CADPS: variants seen among roughly 807,000 people sequenced by gnomAD.
CADPS encodes the protein calcium dependent secretion activator.
Under a neutral mutation model 167.3 loss-of-function variants are expected in CADPS, and 57 were observed. That is an observed-to-expected ratio of 0.34 (90% CI 0.28 to 0.42). CADPS has a LOEUF of 0.42. Among genes scored for constraint, CADPS ranks in the 20% least tolerant of loss-of-function variants. The pLI, the probability that CADPS is intolerant of heterozygous loss-of-function variation, is 1.00. For missense variants in CADPS, 1,414 were observed against 1,738.1 expected (o/e 0.81, Z 3.32); for synonymous variants, 676 against 635.3 (o/e 1.06, Z -0.96).
chr3:62,779,745 A>T, intron 1 of CADPS: 1 of 348,502 alleles, frequency 2.9e-6, no homozygotes, highest in Non-Finnish European at 5.7e-6. Context: ...TCCAAGGAAG[A>T]TGTAGGTTAC....
chr3:62,734,208 A>C (rs2152199673), intron 3 of CADPS, among the ~76,000 whole-genome samples: 1 of 152,296 alleles, frequency 6.6e-6, no homozygotes, highest in East Asian at 1.9e-4. Flanking sequence ...ACCCAACTGC[A>C]GATATAGACC....
intron 13 of CADPS, among the ~76,000 whole-genome samples, chr3:62,522,935 C>T (rs896125308): frequency 3.3e-5 from 5 of 152,224 alleles, no homozygotes; most frequent in Non-Finnish European, 5.9e-5. Flanking sequence ...TGAGTCTCTC[C>T]AGCCACAGCA....
At chr3:62,827,918 A>G (rs1213907189) in intron 1 of CADPS, among the ~76,000 whole-genome samples, 1 of 152,216 alleles carries the variant, frequency 6.6e-6, no homozygotes, top group African/African-American at 2.4e-5. Flanking sequence ...TTTGATCTTC[A>G]TCATGATCCT....
At chr3:62,771,886 G>A (rs1474278470) in intron 1 of CADPS, among the ~76,000 whole-genome samples, 1 of 152,174 alleles carries the variant, frequency 6.6e-6, no homozygotes, top group African/African-American at 2.4e-5. Flanking sequence ...CTGCAGTGAG[G>A]AGAAAACGGC....
intron 1 of CADPS, among the ~76,000 whole-genome samples, chr3:62,791,917 C>A (rs2092983355): frequency 6.6e-6 from 1 of 152,082 alleles, no homozygotes; most frequent in African/African-American, 2.4e-5. Flanking sequence ...AGCATGTACC[C>A]AATAAATTGT....
intron 28 of CADPS, among the ~76,000 whole-genome samples, chr3:62,414,652 G>C (rs568954258): frequency 6.6e-6 from 1 of 152,282 alleles, no homozygotes; most frequent in East Asian, 1.9e-4. Flanking sequence ...TGAGGCTTTG[G>C]GGTCTGGGAA....
At chr3:62,689,798 AG>A (rs2151254331) in intron 3 of CADPS, among the ~76,000 whole-genome samples, 1 of 152,170 alleles carries the variant, frequency 6.6e-6, no homozygotes, top group African/African-American at 2.4e-5. Context: ...CAAGTGGAAA[AG>A]CTTCTAGAAA....
chr3:62,541,300 G>C lies in CADPS; in HGVS notation c.1967-4719C>G, dbSNP rs1028927050. The stretch of plus-strand genomic sequence containing the variant: ...TGACAGTGAGCTATATGATTTTATA[G>C]GCTCTGCAGCTAGGGCATAATTCAA... On this transcript the variant is annotated intron_variant, in intron 11 of 29. Transcript: ENST00000383710. Among the ~76,000 whole-genome samples, 27 of 152,242 alleles carry C rather than the reference G, an allele frequency of 1.8e-4. 1 individual carries two copies. Among genetic ancestry groups the C allele is most frequent in the African/African-American group, 6.3e-4 (26 of 41,546 alleles).
intron 3 of CADPS, among the ~76,000 whole-genome samples, chr3:62,676,798 C>T (rs553188638): frequency 6.6e-6 from 1 of 152,100 alleles, no homozygotes; most frequent in Non-Finnish European, 1.5e-5. Context: ...GTCTCTACAG[C>T]CTGACATGTG....
chr3:62,497,551 C>G (rs191161013), intron 18 of CADPS, among the ~76,000 whole-genome samples: 11 of 152,306 alleles, frequency 7.2e-5, no homozygotes, highest in Admixed American at 4.6e-4. Context: ...TTCTAACCCA[C>G]TTAATTGTTT....
At chr3:62,715,279 C>A (rs1446932219) in intron 3 of CADPS, among the ~76,000 whole-genome samples, 1 of 151,988 alleles carries the variant, frequency 6.6e-6, no homozygotes. Context: ...TTAGCCAGGA[C>A]TAGAGGTGCC....
chr3:62,590,924 G>A (rs950808889), intron 7 of CADPS, among the ~76,000 whole-genome samples: 5 of 152,036 alleles, frequency 3.3e-5, no homozygotes, highest in African/African-American at 4.8e-5. Context: ...GAGCGATCTT[G>A]GCTCATTGCA....
At chr3:62,843,517 G>A (rs1038442893) in intron 1 of CADPS, among the ~76,000 whole-genome samples, 2 of 151,954 alleles carry the variant, frequency 1.3e-5, no homozygotes, top group African/African-American at 4.8e-5. Context: ...GTGTGTGTGT[G>A]TCTATGTGTG....
At chr3:62,815,300 A>T (rs1246463289) in intron 1 of CADPS, among the ~76,000 whole-genome samples, 1 of 152,112 alleles carries the variant, frequency 6.6e-6, no homozygotes, top group Non-Finnish European at 1.5e-5. Context: ...ACATAAAAAA[A>T]AAAACTCACA....
chr3:62,648,821 T>C (rs1340428115), intron 5 of CADPS, among the ~76,000 whole-genome samples: 2 of 151,490 alleles, frequency 1.3e-5, no homozygotes, highest in Non-Finnish European at 2.9e-5. Flanking sequence ...TAATTGGCAA[T>C]AATCAAATTC....
intron 21 of CADPS, among the ~76,000 whole-genome samples, chr3:62,486,296 T>A (rs894306714): frequency 6.6e-6 from 1 of 151,704 alleles, no homozygotes; most frequent in Non-Finnish European, 1.5e-5. Flanking sequence ...ACACAAAAAA[T>A]TAGCTGGGCG....
chr3:62,445,698 C>G, intron 27 of CADPS, 67 bp downstream of exon 27: 1 of 970,568 alleles, frequency 1.0e-6, no homozygotes, highest in Non-Finnish European at 1.3e-6. Flanking sequence ...CTCATGAAAA[C>G]AAAAAGTAAA....
At position 62,499,217 on chromosome 3, in the gene CADPS, C is replaced by T. The variant is rs142613294; in HGVS notation, c.2651G>A (p.Arg884His). 1.8e-4 allele frequency: 295 copies of T among 1,613,704 alleles called. No homozygotes were observed. Among genetic ancestry groups the T allele is most frequent in the Non-Finnish European group, 2.1e-4 (250 of 1,179,802 alleles). ...AACTTCAATGACTAGTTCAGCAAGA[C>T]GTATTGTATCTTCAAGCTTTTTGGC... ...TPAKKLEDTIRLAELVIEVLQ... is the reference protein window; with the variant it reads ...TPAKKLEDTIHLAELVIEVLQ... The change falls in exon 18 of 30, where the codon CGT (arginine) becomes CAT (histidine). Residue 884 changes from arginine to histidine, a missense_variant. Transcript: ENST00000383710.
intron 3 of CADPS, among the ~76,000 whole-genome samples, chr3:62,751,647 C>T (rs962463029): frequency 6.6e-6 from 1 of 152,094 alleles, no homozygotes; most frequent in Non-Finnish European, 1.5e-5. Flanking sequence ...TCTTGAACTC[C>T]TGACCTCAGG....
Sources: allele counts gnomAD v4.1 joint callset (sites outside exome capture counted in the v4.1 genomes callset), GRCh38; gene constraint gnomAD v4.1.1; transcripts MANE v1.5; gene names NCBI Gene and HGNC (gene_info 2026-07-23, HGNC 2026-07-21).